Variants in DLG2 observed in about 807,000 individuals in gnomAD.
DLG2 encodes the protein discs large MAGUK scaffold protein 2, also known as disks large homolog 2.
In DLG2, 45 loss-of-function variants were observed where a neutral mutation model predicts 132.5. The ratio of observed to expected loss-of-function variants is 0.34; its 90% CI spans 0.27 to 0.44. DLG2 has a LOEUF of 0.44. DLG2 is among the 20% of genes least tolerant of loss of function. The pLI is 1.00. For missense variants in DLG2, 1,045 were observed against 1,196.9 expected (o/e 0.87, Z 1.87); for synonymous variants, 424 against 419.6 (o/e 1.01, Z -0.13).
At chr11:84,911,656 T>C (rs2092071259) in intron 6 of DLG2, among the ~76,000 whole-genome samples, 1 of 152,302 alleles carries the variant, frequency 6.6e-6, no homozygotes, top group Non-Finnish European at 1.5e-5. Context: ...TGTTCTAATC[T>C]GGCAAATTAT....
intron 17 of DLG2, among the ~76,000 whole-genome samples, chr11:83,826,938 C>G (rs1320567753): frequency 1.3e-5 from 2 of 152,128 alleles, no homozygotes; most frequent in East Asian, 3.8e-4. Flanking sequence ...CCTAACACTG[C>G]ATAGGCCCCA....
chr11:84,543,526 C>A (rs1416515853), intron 6 of DLG2, among the ~76,000 whole-genome samples: 4 of 152,134 alleles, frequency 2.6e-5, no homozygotes, highest in African/African-American at 7.2e-5. Flanking sequence ...ACTAACCGTC[C>A]CCGCCCCTCT....
intron 3 of DLG2, among the ~76,000 whole-genome samples, chr11:85,444,251 G>A (rs2091910775): frequency 6.6e-6 from 1 of 152,018 alleles, no homozygotes; most frequent in African/African-American, 2.4e-5. Flanking sequence ...AATATAAACT[G>A]GAAAAACGTA....
intron 9 of DLG2, among the ~76,000 whole-genome samples, chr11:84,154,816 A>G (rs572282402): frequency 6.6e-6 from 1 of 152,304 alleles, no homozygotes; most frequent in South Asian, 2.1e-4. Flanking sequence ...TGCCCCTACA[A>G]AGGACATGAA....
intron 11 of DLG2, among the ~76,000 whole-genome samples, chr11:84,015,980 C>T (rs1396610897): frequency 6.6e-6 from 1 of 152,178 alleles, no homozygotes; most frequent in Non-Finnish European, 1.5e-5. Flanking sequence ...AATGGTTGAA[C>T]TAATTTACAC....
intron 6 of DLG2, among the ~76,000 whole-genome samples, chr11:84,861,118 T>C (rs917008935): frequency 4.6e-5 from 7 of 152,202 alleles, no homozygotes; most frequent in Non-Finnish European, 8.8e-5. Flanking sequence ...CACAGGCTGC[T>C]ATAGGAACAA....
chr11:84,605,988 G>A (rs1662098354), intron 6 of DLG2, among the ~76,000 whole-genome samples: 2 of 152,050 alleles, frequency 1.3e-5, no homozygotes, highest in African/African-American at 4.8e-5. Context: ...TGTCTTCAGT[G>A]CATTTCTTTT....
intron 3 of DLG2, among the ~76,000 whole-genome samples, chr11:85,594,625 T>C (rs988172866): frequency 1.3e-5 from 2 of 152,184 alleles, no homozygotes; most frequent in East Asian, 3.8e-4. Flanking sequence ...CACATAATTT[T>C]CAATAAGTTA....
chr11:84,429,671 C>A (rs1018442231), intron 7 of DLG2, among the ~76,000 whole-genome samples: 3 of 152,134 alleles, frequency 2.0e-5, no homozygotes, highest in East Asian at 3.9e-4. Context: ...TCTCTAATAG[C>A]CTCATTCCTG....
intron 3 of DLG2, among the ~76,000 whole-genome samples, chr11:85,432,064 G>A (rs553192157): frequency 2.1e-4 from 32 of 152,132 alleles, no homozygotes; most frequent in Admixed American, 1.4e-3. Flanking sequence ...GCAAACCACA[G>A]CAGCCCTACC....
chr11:84,492,412 A>G (rs999648454), intron 7 of DLG2, among the ~76,000 whole-genome samples: 2 of 152,148 alleles, frequency 1.3e-5, no homozygotes, highest in Non-Finnish European at 2.9e-5. Context: ...TGTAGAGCCA[A>G]TGTTCTACTG....
rs573262407 is a variant in DLG2, at chr11:84,836,606, G to A, written c.357+275055C>T. Among the ~76,000 whole-genome samples the A allele has an allele frequency of 2.0e-5, 3 of 151,784 alleles. No individual in the cohort carries two copies. In the South Asian group the frequency reaches 6.2e-4, roughly 32 times the overall value. On this transcript the variant is annotated intron_variant, in intron 6 of 27. Coordinates refer to ENST00000376104, the MANE Select transcript of DLG2 (RefSeq NM_001142699.3). ...ATGTAAGGGATTATCTTTAACAAGGGTTATTCAAAAATAAGGAAGACAGCT... is the reference window on the plus strand; with the variant it reads ...ATGTAAGGGATTATCTTTAACAAGGATTATTCAAAAATAAGGAAGACAGCT...
At chr11:84,051,720 A>G (rs2096387009) in intron 11 of DLG2, among the ~76,000 whole-genome samples, 1 of 151,710 alleles carries the variant, frequency 6.6e-6, no homozygotes, top group South Asian at 2.1e-4. Context: ...ACATGTATAC[A>G]TATGTAACTA....
At chr11:85,023,234 A>G (rs1411107455) in intron 6 of DLG2, among the ~76,000 whole-genome samples, 1 of 152,058 alleles carries the variant, frequency 6.6e-6, no homozygotes, top group Non-Finnish European at 1.5e-5. Flanking sequence ...AAAAACAGTA[A>G]CACTGGAGCT....
rs138451564 is a variant in DLG2 at position 85,607,425 on chromosome 11, G to A, written c.-92-8637C>T. On this transcript the variant is annotated intron_variant, in intron 2 of 27. Transcript: ENST00000376104. ...CATGAGTGAAACTCAAAGTCATGTC[G>A]CCCAAGCAAGACTCATCCATCTATC... Among the ~76,000 whole-genome samples, 272 of 152,266 alleles carry A rather than the reference G, an allele frequency of 1.8e-3. 2 individuals carry two copies. Among genetic ancestry groups the A allele is most frequent in the African/African-American group, 6.2e-3 (258 of 41,536 alleles).
chr11:84,679,691 T>G (rs142667793), intron 6 of DLG2, among the ~76,000 whole-genome samples: 2 of 152,246 alleles, frequency 1.3e-5, no homozygotes, highest in East Asian at 3.9e-4. Context: ...TCGTATATAT[T>G]AAAGTCATTT....
intron 3 of DLG2, among the ~76,000 whole-genome samples, chr11:85,597,852 ATATAT>A (rs2079881864): frequency 6.6e-6 from 1 of 151,628 alleles, no homozygotes; most frequent in South Asian, 2.1e-4. Context: ...ATCTGGCAAA[ATATAT>A]TGTATAATTG....
At chr11:83,864,061 C>G (rs2061882906) in intron 16 of DLG2, among the ~76,000 whole-genome samples, 1 of 152,188 alleles carries the variant, frequency 6.6e-6, no homozygotes, top group African/African-American at 2.4e-5. Flanking sequence ...CCATGTAGCT[C>G]TTACAGACCT....
In DLG2 at chr11:85,137,134, A is replaced by G. The variant is rs76537681; in HGVS notation, c.282+17422T>C. On this transcript the variant is annotated intron_variant, in intron 5 of 27. Coordinates refer to ENST00000376104, the MANE Select transcript of DLG2 (RefSeq NM_001142699.3). ...GGTATGGTTTAGAACAGTCTTATCT[A>G]TAATGGAGAAGGGCAATTTCTAGCT... Among the ~76,000 whole-genome samples the G allele has an allele frequency of 9.6e-3, 1,465 of 152,226 alleles. 21 individuals carry two copies. Among genetic ancestry groups the G allele is most frequent in the African/African-American group, 0.032 (1,324 of 41,542 alleles).
Sources: gnomAD v4.1 joint callset for allele counts (sites outside exome capture counted in the v4.1 genomes callset) on GRCh38, gnomAD v4.1.1 for gene constraint, MANE v1.5 for transcripts, NCBI Gene and HGNC (gene_info 2026-07-23, HGNC 2026-07-21) for gene names.